Variants in UST observed in about 807,000 individuals in gnomAD.
UST encodes the protein uronyl 2-sulfotransferase, also known as chondroitin sulfate 2-O-sulfotransferase.
In UST, 21 loss-of-function variants were observed where a neutral mutation model predicts 45.6. The ratio of observed to expected loss-of-function variants is 0.46; its 90% CI spans 0.33 to 0.66. The LOEUF is 0.66. Among genes scored for constraint, UST ranks in the 30% least tolerant of loss-of-function variants. UST has a pLI of 0.02. For synonymous variants in UST, 215 were observed against 200.6 expected (o/e 1.07, Z -0.61); for missense variants, 463 against 512.4 (o/e 0.90, Z 0.93).
chr6:149,060,394 G>C (rs577978338), intron 7 of UST, among the ~76,000 whole-genome samples: 5 of 152,158 alleles, frequency 3.3e-5, no homozygotes. Context: ...GCGCTGGCCC[G>C]GCCAGCCCAG....
At chr6:148,803,594 G>A (rs1349607491) in intron 1 of UST, among the ~76,000 whole-genome samples, 1 of 152,166 alleles carries the variant, frequency 6.6e-6, no homozygotes, top group African/African-American at 2.4e-5. Context: ...CATGCTGAAT[G>A]TTCTCTCCTC....
intron 2 of UST, among the ~76,000 whole-genome samples, chr6:148,888,407 G>A (rs1582879053): frequency 6.6e-6 from 1 of 152,178 alleles, no homozygotes. Flanking sequence ...CAGCCCCAAA[G>A]TATGTTTAGA....
chr6:148,763,008 C>T (rs574353557), intron 1 of UST, among the ~76,000 whole-genome samples: 277 of 152,196 alleles, frequency 1.8e-3, no homozygotes, highest in Middle Eastern at 6.8e-3. Flanking sequence ...TTTTCCTTCC[C>T]GTAGATACCC....
At chr6:149,045,955 C>CTCACCATA (rs1240189000) in intron 7 of UST, among the ~76,000 whole-genome samples, 1 of 152,144 alleles carries the variant, frequency 6.6e-6, no homozygotes, top group African/African-American at 2.4e-5. Flanking sequence ...ATTTTCCCAG[C>CTCACCATA]TCACCATAGA....
intron 1 of UST, among the ~76,000 whole-genome samples, chr6:148,845,129 G>A (rs1777963677): frequency 6.6e-6 from 1 of 152,182 alleles, no homozygotes. Context: ...ATAATGATCT[G>A]TATTCCTTCG....
At chr6:149,037,453 A>G (rs1490815601) in intron 7 of UST, among the ~76,000 whole-genome samples, 1 of 152,178 alleles carries the variant, frequency 6.6e-6, no homozygotes, top group Non-Finnish European at 1.5e-5. Context: ...CTCAAAGAAA[A>G]CACGGAGGCC....
At chr6:148,812,805 A>C (rs1400112840) in intron 1 of UST, among the ~76,000 whole-genome samples, 1 of 152,204 alleles carries the variant, frequency 6.6e-6, no homozygotes, top group African/African-American at 2.4e-5. Context: ...GCACAGACCA[A>C]TCCTGATACA....
At chr6:148,963,783 A>G (rs897135143) in intron 4 of UST, among the ~76,000 whole-genome samples, 4 of 152,186 alleles carry the variant, frequency 2.6e-5, no homozygotes, top group African/African-American at 9.7e-5. Flanking sequence ...AGTGTAAATG[A>G]GGATAATTAT....
At position 148,941,302 on chromosome 6, in the gene UST, G is replaced by C. The variant is rs1431262211; in HGVS notation, c.315G>C (p.Val105=). ...AGGTACTACCTTTCCCAAGCCAGGT[G>C]GTGTACAACAGGGTAGGCAAGTGTG... The part of the protein sequence containing the change: ...PSKVLPFPSQ[V]VYNRVGKCGS... Residue 105 remains valine (V), a synonymous_variant, in exon 3 of 8, where the codon GTG becomes GTC. Transcript: ENST00000367463. 7 of 1,612,646 alleles carry C rather than the reference G, an allele frequency of 4.3e-6. No individual in the cohort carries two copies. The Admixed American group carries it at 1.0e-4, about 23-fold the overall frequency.
At chr6:148,919,417 C>CGTGT (rs71007929) in intron 2 of UST, among the ~76,000 whole-genome samples, 26 of 148,130 alleles carry the variant, frequency 1.8e-4, no homozygotes, top group Middle Eastern at 3.4e-3. Context: ...GTGTCAGAGC[C>CGTGT]GTGTGTGTGT....
intron 1 of UST, among the ~76,000 whole-genome samples, chr6:148,877,662 A>T (rs1253176937): frequency 2.6e-3 from 73 of 27,896 alleles, no homozygotes; most frequent in African/African-American, 5.3e-3. Flanking sequence ...TATGAGTGCG[A>T]GGGGTCATGT....
rs187624399 is a variant in UST at position 148,956,317 on chromosome 6, G to A, written c.527+2366G>A. 5.0e-4 allele frequency among the ~76,000 whole-genome samples: 76 copies of A among 152,234 alleles called. 1 individual carries two copies. In the East Asian group the frequency reaches 0.013, roughly 27 times the overall value. On this transcript the variant is annotated intron_variant, in intron 4 of 7. Transcript: ENST00000367463. ...GGTTTAATTGGACTTACAGTTCCAC[G>A]TGGCTGGGGAGGCCTCAGAATCATG...
At position 149,056,117 on chromosome 6, in the gene UST, C is replaced by CTTTTTTT. The variant is rs34191810; in HGVS notation, c.938-17696_938-17690dup. Among the ~76,000 whole-genome samples, 37 of 81,062 alleles carry CTTTTTTT rather than the reference C, an allele frequency of 4.6e-4. 1 individual carries two copies. Among genetic ancestry groups the CTTTTTTT allele is most frequent in the African/African-American group, 8.2e-4 (16 of 19,522 alleles). The allele number at this position is 81,062 out of a possible 152,430, so 53.2% of individuals were successfully genotyped here. A position where few individuals can be genotyped will look rare whatever the true frequency, so the allele number is the denominator to read the frequency against. ...TGTTACTCTGCTTTTCTTTTCTTTT[C>CTTTTTTT]TTTTTTTTTTTTTTTTTTTTTTTTT... is the stretch of plus-strand genomic sequence containing the variant. On this transcript the variant is annotated intron_variant, in intron 7 of 7. Coordinates refer to ENST00000367463, the MANE Select transcript of UST (RefSeq NM_005715.3).
chr6:148,983,733 T>TA (rs1388118822), intron 5 of UST, among the ~76,000 whole-genome samples: 1 of 152,222 alleles, frequency 6.6e-6, no homozygotes, highest in African/African-American at 2.4e-5. Context: ...AACAAAATGA[T>TA]AAAACTCAGA....
At chr6:148,903,501 GA>G (rs1779298699) in intron 2 of UST, among the ~76,000 whole-genome samples, 1 of 152,156 alleles carries the variant, frequency 6.6e-6, no homozygotes, top group Non-Finnish European at 1.5e-5. Context: ...AGTTATTCAA[GA>G]AAATATGTTT....
chr6:149,068,925 A>G (rs982805213), intron 7 of UST, among the ~76,000 whole-genome samples: 2 of 152,156 alleles, frequency 1.3e-5, no homozygotes, highest in African/African-American at 2.4e-5. Context: ...AGCCTCTGGT[A>G]TGTATCATCC....
At chr6:148,935,741 C>A (rs1019345385) in intron 2 of UST, among the ~76,000 whole-genome samples, 1 of 152,176 alleles carries the variant, frequency 6.6e-6, no homozygotes, top group Admixed American at 6.5e-5. Context: ...TGTGATATAT[C>A]AGGGGAAGGA....
chr6:148,770,122 G>A (rs546690603), intron 1 of UST, among the ~76,000 whole-genome samples: 2 of 151,710 alleles, frequency 1.3e-5, no homozygotes, highest in African/African-American at 4.8e-5. Flanking sequence ...TGACATAAAG[G>A]TTCTTGCAAG....
rs532276114 is a variant in UST at position 148,936,602 on chromosome 6, G to A, written c.292-4677G>A. On this transcript the variant is annotated intron_variant, in intron 2 of 7. Coordinates refer to ENST00000367463, the MANE Select transcript of UST (RefSeq NM_005715.3). Reference sequence around the variant, plus strand: ...TTTTTTTTTTTTTTTTTTTTTTTTTGCCATCTTTCCAGAAAGTGCATTTCA... The same window carrying A: ...TTTTTTTTTTTTTTTTTTTTTTTTTACCATCTTTCCAGAAAGTGCATTTCA... 1.4e-3 allele frequency among the ~76,000 whole-genome samples: 40 copies of A among 28,406 alleles called. No individual in the cohort carries two copies. The South Asian group carries it at 0.037, about 27-fold the overall frequency. 18.6% of individuals were successfully genotyped at this position (28,406 alleles called of 152,430 possible).
Sources: gnomAD v4.1 joint callset for allele counts (sites outside exome capture counted in the v4.1 genomes callset) on GRCh38, gnomAD v4.1.1 for gene constraint, MANE v1.5 for transcripts, NCBI Gene and HGNC (gene_info 2026-07-23, HGNC 2026-07-21) for gene names.